The following GOLGA5 variants were observed in gnomAD, a reference collection of about 807,000 sequenced individuals.
GOLGA5 encodes the protein golgin subfamily A member 5.
A neutral mutation model predicts 93.5 loss-of-function variants in GOLGA5; 50 were observed. The observed-to-expected ratio is 0.53, with a 90% CI of 0.43 to 0.68. The LOEUF is 0.68. Ranked by LOEUF, GOLGA5 falls within the 30% of genes least tolerant of loss-of-function variation. The probability of loss-of-function intolerance (pLI) is 0.00; values close to 1 mark genes in which losing one functional copy is unlikely to be tolerated. For synonymous variants in GOLGA5, 312 were observed against 304.5 expected, an observed-to-expected ratio of 1.02 and a Z score of -0.26; for missense variants, 760 against 856.4, an observed-to-expected ratio of 0.89 and a Z score of 1.40.
Position 92,819,787 on chromosome 14 carries a change from A to G in GOLGA5, c.1571A>G (p.Gln524Arg). The G allele has an allele frequency of 6.2e-7, 1 of 1,614,096 alleles. No homozygotes were observed. Residue 524 changes from glutamine (Q) to arginine (R), a missense_variant, in exon 8 of 13, where the codon CAG becomes CGG. Transcript: ENST00000163416. ...LQDLHDQIAG[Q>R]KASKQELETE... ...GATCTGCATGACCAAATAGCTGGGC[A>G]GAAAGCATCCAAACAAGAACTAGAG...
chr14:92,809,437 CTGA>C lies in GOLGA5; in HGVS notation c.911_913del (p.Leu304_Lys305delinsGln), dbSNP rs1248060597. 1 of 1,613,888 alleles carries C rather than the reference CTGA, an allele frequency of 6.2e-7. No individual in the cohort carries two copies. ...TGCAAAGGATTCCCAGCTGGCTGTACTGAAAGTGAGACTCCAGGAAGCTGACCA... is the reference window on the plus strand; with the variant it reads ...TGCAAAGGATTCCCAGCTGGCTGTACAAGTGAGACTCCAGGAAGCTGACCA... On this transcript the variant is annotated inframe_deletion, in exon 4 of 13. Coordinates refer to ENST00000163416, the MANE Select transcript of GOLGA5 (RefSeq NM_005113.4).
intron 7 of GOLGA5, among the ~76,000 whole-genome samples, chr14:92,818,802 A>T (rs957352700): frequency 1.3e-5 from 2 of 152,212 alleles, no homozygotes; most frequent in African/African-American, 2.4e-5. Flanking sequence ...ATATGAATGG[A>T]CTCATGCTTA....
chr14:92,795,819 A>G (rs1259775408), intron 1 of GOLGA5, among the ~76,000 whole-genome samples: 1 of 152,394 alleles, frequency 6.6e-6, no homozygotes, highest in Non-Finnish European at 1.5e-5. Flanking sequence ...TTAGCTGGAA[A>G]GGAGAACTCT....
intron 10 of GOLGA5, among the ~76,000 whole-genome samples, chr14:92,834,184 C>CTTTTTTTTTTTTTTTTTTTTTTTTTTT (rs35449807): frequency 7.4e-6 from 1 of 135,064 alleles, no homozygotes; most frequent in Non-Finnish European, 1.6e-5. Context: ...TAGGTTTCAC[C>CTTTTTTTTTTTTTTTTTTTTTTTTTTT]TTTTTTTTTT....
chr14:92,810,663 G>A, intron 5 of GOLGA5: 1 of 194,118 alleles, frequency 5.2e-6, no homozygotes, highest in Non-Finnish European at 1.0e-5. Flanking sequence ...AATGCTAATG[G>A]TTGGGGGATC....
At chr14:92,811,855 C>T (rs535158895) in intron 6 of GOLGA5, 101 bp downstream of exon 6, 106 of 838,128 alleles carry the variant, frequency 1.3e-4, no homozygotes, top group South Asian at 1.0e-3. Context: ...TGTTCATGTT[C>T]GTCTGATTGG....
At chr14:92,803,950 ATGT>A (rs1357871165) in intron 2 of GOLGA5, among the ~76,000 whole-genome samples, 1 of 152,142 alleles carries the variant, frequency 6.6e-6, no homozygotes, top group Non-Finnish European at 1.5e-5. Context: ...TGATGGCCTA[ATGT>A]TGTTTATATC....
Position 92,834,424 on chromosome 14 carries a change from C to T in GOLGA5, c.1945+1077C>T, listed in dbSNP as rs560499052. Among the ~76,000 whole-genome samples the T allele has an allele frequency of 2.0e-5, 3 of 150,574 alleles. No homozygotes were observed. The South Asian group carries it at 6.3e-4, about 32-fold the overall frequency. ...CCTGTGTCCATGTGTTCTCATTGTT[C>T]AATTCCCACCTATGAGTGAGAACAT... On this transcript the variant is annotated intron_variant, in intron 10 of 12. Transcript: ENST00000163416.
At chr14:92,798,148 A>G (rs1884779130) in intron 2 of GOLGA5, among the ~76,000 whole-genome samples, 167 bp downstream of exon 2, 2 of 152,228 alleles carry the variant, frequency 1.3e-5, no homozygotes, top group African/African-American at 4.8e-5. Context: ...ATTGACTACT[A>G]TTAGTCAATA....
intron 1 of GOLGA5, among the ~76,000 whole-genome samples, chr14:92,796,049 C>G (rs534304969): frequency 7.9e-5 from 12 of 152,264 alleles, no homozygotes; most frequent in African/African-American, 2.6e-4. Context: ...GGTTTTTATT[C>G]TGGACTTAGC....
intron 2 of GOLGA5, among the ~76,000 whole-genome samples, chr14:92,801,114 T>C (rs995649367): frequency 2.0e-5 from 3 of 152,184 alleles, no homozygotes; most frequent in Non-Finnish European, 4.4e-5. Context: ...CAAATGTCCC[T>C]TGCAGGGCAA....
chr14:92,838,212 T>C (rs374818793), intron 12 of GOLGA5, among the ~76,000 whole-genome samples: 7 of 152,196 alleles, frequency 4.6e-5, no homozygotes, highest in Non-Finnish European at 8.8e-5. Context: ...GCATGTACCG[T>C]GTGCCTAAAA....
chr14:92,826,228 T>A (rs1885418332), intron 9 of GOLGA5, among the ~76,000 whole-genome samples: 1 of 151,950 alleles, frequency 6.6e-6, no homozygotes, highest in South Asian at 2.1e-4. Context: ...GCAAAACCTT[T>A]GTCCCGTAGA....
intron 9 of GOLGA5, among the ~76,000 whole-genome samples, chr14:92,831,430 A>G (rs537529062): frequency 6.6e-6 from 1 of 151,964 alleles, no homozygotes; most frequent in Non-Finnish European, 1.5e-5. Context: ...TTTTTTTTTT[A>G]AAAGCCATGT....
chr14:92,824,913 A>T (rs758409049), intron 9 of GOLGA5, among the ~76,000 whole-genome samples: 11 of 152,344 alleles, frequency 7.2e-5, no homozygotes, highest in South Asian at 2.1e-4. Context: ...CAGACCTTTG[A>T]CATCAGTGTG....
Position 92,809,427 on chromosome 14 carries a change from G to C in GOLGA5, c.900G>C (p.Gln300His), listed in dbSNP as rs867163215. The change falls in exon 4 of 13, where the codon CAG (glutamine) becomes CAC (histidine). Residue 300 changes from glutamine to histidine, a missense_variant. Physicochemically the swap from Gln to His is conservative, Grantham distance 24. Coordinates refer to ENST00000163416, the MANE Select transcript of GOLGA5 (RefSeq NM_005113.4). ...AAGCTGTGGCTGCAAAGGATTCCCAGCTGGCTGTACTGAAAGTGAGACTCC... is the reference window on the plus strand; with the variant it reads ...AAGCTGTGGCTGCAAAGGATTCCCACCTGGCTGTACTGAAAGTGAGACTCC... ...LTEAVAAKDSQLAVLKVRLQE... is the reference protein window; with the variant it reads ...LTEAVAAKDSHLAVLKVRLQE... 6.2e-7 allele frequency: 1 copy of C among 1,614,000 alleles called. No homozygotes were observed. The highest frequency in any genetic ancestry group is 8.5e-7 in the Non-Finnish European group (1 of 1,179,932).
intron 8 of GOLGA5, among the ~76,000 whole-genome samples, chr14:92,823,563 C>T (rs1196210885): frequency 1.3e-5 from 2 of 151,402 alleles, no homozygotes; most frequent in Admixed American, 1.3e-4. Context: ...TACAGGCACG[C>T]ACCACCGAGC....
intron 4 of GOLGA5, 121 bp downstream of exon 4, chr14:92,809,640 T>A (rs778391321): frequency 2.5e-5 from 17 of 681,496 alleles, no homozygotes; most frequent in Non-Finnish European, 4.1e-5. Flanking sequence ...TTTGGTAGTG[T>A]TAGAAATGTG....
At chr14:92,835,968 T>C (rs951752349) in intron 11 of GOLGA5, among the ~76,000 whole-genome samples, 2 of 82,300 alleles carry the variant, frequency 2.4e-5, no homozygotes, top group Non-Finnish European at 4.9e-5. Flanking sequence ...TAAATTCTAT[T>C]TTTAAAAACT....
Sources: allele counts gnomAD v4.1 joint callset (sites outside exome capture counted in the v4.1 genomes callset), GRCh38; gene constraint gnomAD v4.1.1; transcripts MANE v1.5; gene names NCBI Gene and HGNC (gene_info 2026-07-23, HGNC 2026-07-21).